GSE1: variants seen among roughly 807,000 people sequenced by gnomAD.
GSE1 encodes Gse1 coiled-coil protein.
A neutral mutation model predicts 112.6 loss-of-function variants in GSE1; 32 were observed. That is an observed-to-expected ratio of 0.28 (90% confidence interval 0.21 to 0.38). GSE1 has a LOEUF of 0.38. Ranked by LOEUF, GSE1 falls within the 10% of genes least tolerant of loss-of-function variation. The probability of loss-of-function intolerance (pLI) is 1.00; values close to 1 mark genes in which losing one functional copy is unlikely to be tolerated. For missense variants in GSE1, 2,348 were observed against 1,699.2 expected (o/e 1.38, Z -6.71); for synonymous variants, 1,115 against 735.6 (o/e 1.52, Z -8.35).
At chr16:85,519,552 CCATCACTAT>C (rs1343645272) in intron 2 of GSE1, among the ~76,000 whole-genome samples, 3 of 34,612 alleles carry the variant, frequency 8.7e-5, no homozygotes, top group South Asian at 1.5e-3. Context: ...ACTATTACCA[CCATCACTAT>C]CATCATCACC....
chr16:85,504,961 A>G (rs114776893), intron 2 of GSE1, among the ~76,000 whole-genome samples: 11 of 152,308 alleles, frequency 7.2e-5, no homozygotes, highest in African/African-American at 2.4e-4. Context: ...CGCTGCATCG[A>G]GAGTTCCTTC....
chr16:85,596,053 C>T (rs551387319), intron 1 of GSE1, among the ~76,000 whole-genome samples: 3 of 151,082 alleles, frequency 2.0e-5, no homozygotes, highest in East Asian at 1.9e-4. Flanking sequence ...CCCATTCCTC[C>T]GTCCACCCCT....
chr16:85,609,906 C>A (rs576271563), upstream of GSE1, among the ~76,000 whole-genome samples: 56 of 152,314 alleles, frequency 3.7e-4, 1 homozygote, highest in Admixed American at 3.3e-3. Flanking sequence ...ATATGCCTAT[C>A]TTGGCCCCCC....
chr16:85,658,744 C>G (rs990055549), intron 8 of GSE1, among the ~76,000 whole-genome samples: 13 of 152,228 alleles, frequency 8.5e-5, no homozygotes, highest in African/African-American at 2.9e-4. Context: ...GGACTGAGGG[C>G]AGCCAGCTCC....
At chr16:85,565,469 G>A (rs918483008) in intron 1 of GSE1, among the ~76,000 whole-genome samples, 3 of 151,414 alleles carry the variant, frequency 2.0e-5, no homozygotes, top group African/African-American at 4.9e-5. Flanking sequence ...TAGAGGGAGC[G>A]CAGGCCAGGC....
chr16:85,320,471 T>TTGTTTTGC (rs747733261), intron 1 of GSE1, among the ~76,000 whole-genome samples: 70 of 150,168 alleles, frequency 4.7e-4, no homozygotes, highest in African/African-American at 1.7e-3. Flanking sequence ...TTGTTTTGTT[T>TTGTTTTGC]TTTTGTAGAA....
At chr16:85,491,958 G>A (rs1391289528) in intron 2 of GSE1, among the ~76,000 whole-genome samples, 1 of 152,156 alleles carries the variant, frequency 6.6e-6, no homozygotes. Context: ...CCCGCCTGGT[G>A]CTCTGAGCAC....
chr16:85,461,784 C>T (rs972898680), intron 2 of GSE1, among the ~76,000 whole-genome samples: 1 of 152,150 alleles, frequency 6.6e-6, no homozygotes, highest in Non-Finnish European at 1.5e-5. Context: ...CACTAGATCT[C>T]CTGCAGCTCC....
chr16:85,325,696 C>T (rs1004085667), intron 1 of GSE1, among the ~76,000 whole-genome samples: 1 of 152,088 alleles, frequency 6.6e-6, no homozygotes, highest in South Asian at 2.1e-4. Context: ...GGGTGATCCA[C>T]CTGCCTTAGC....
chr16:85,315,470 G>A (rs1406523037), intron 1 of GSE1, among the ~76,000 whole-genome samples: 1 of 152,194 alleles, frequency 6.6e-6, no homozygotes, highest in African/African-American at 2.4e-5. Flanking sequence ...CCCGTGCTGA[G>A]TGCCTGGGAG....
At chr16:85,596,184 G>A (rs897262425) in intron 1 of GSE1, among the ~76,000 whole-genome samples, 1 of 152,074 alleles carries the variant, frequency 6.6e-6, no homozygotes, top group Non-Finnish European at 1.5e-5. Flanking sequence ...CCGCTGCATC[G>A]CAGCTCGAAG....
intron 1 of GSE1, among the ~76,000 whole-genome samples, chr16:85,218,584 A>ACCTCCCAAACTGCTTTCTGCCTCTAGG (rs1158359574): frequency 6.6e-6 from 1 of 152,034 alleles, no homozygotes; most frequent in East Asian, 1.9e-4. Context: ...TACCTGTGTG[A>ACCTCCCAAACTGCTTTCTGCCTCTAGG]CCTCCCAAAC....
intron 2 of GSE1, among the ~76,000 whole-genome samples, chr16:85,366,268 C>CG (rs1287018150): frequency 2.0e-5 from 3 of 152,228 alleles, no homozygotes; most frequent in Admixed American, 1.3e-4. Context: ...CCGGAGGGCA[C>CG]GGGGGGCTGG....
At chr16:85,474,612 C>T (rs981176436) in intron 2 of GSE1, among the ~76,000 whole-genome samples, 1 of 149,296 alleles carries the variant, frequency 6.7e-6, no homozygotes, top group Non-Finnish European at 1.5e-5. Flanking sequence ...CTCCCCCAGT[C>T]CCCCTTGCTC....
intron 1 of GSE1, among the ~76,000 whole-genome samples, chr16:85,211,205 A>AG (rs1162733683): frequency 6.6e-6 from 1 of 151,758 alleles, no homozygotes; most frequent in East Asian, 1.9e-4. Context: ...CCTCACTTCT[A>AG]GGGGGGTACC....
intron 1 of GSE1, among the ~76,000 whole-genome samples, chr16:85,596,095 T>C (rs1219261125): frequency 6.6e-6 from 1 of 151,654 alleles, no homozygotes; most frequent in African/African-American, 2.4e-5. Flanking sequence ...CATGCACTCA[T>C]CCACTGTCTA....
chr16:85,287,676 A>G (rs2045077994), intron 1 of GSE1, among the ~76,000 whole-genome samples: 1 of 151,810 alleles, frequency 6.6e-6, no homozygotes, highest in African/African-American at 2.4e-5. Flanking sequence ...CACCCTTTCT[A>G]AAACTCCAGC....
chr16:85,633,923 A>G lies in GSE1; in HGVS notation c.17A>G (p.His6Arg). 2.5e-6 allele frequency: 4 copies of G among 1,610,602 alleles called. No homozygotes were observed. Among genetic ancestry groups the G allele is most frequent in the Non-Finnish European group, 3.4e-6 (4 of 1,178,740 alleles). The change falls in exon 2 of 16, where the codon CAT (histidine) becomes CGT (arginine). Residue 6 changes from histidine (H) to arginine (R), a missense_variant. Physicochemically the swap from His to Arg is conservative, Grantham distance 29 (BLOSUM62 0). Coordinates refer to ENST00000253458, the MANE Select transcript of GSE1 (RefSeq NM_014615.5). Reference sequence around the variant, plus strand: ...TCTTTTCCTGTTTCAGGCATGAGCCATGAGCCCAAGTCCCCTTCGCTAGGG... The same window carrying G: ...TCTTTTCCTGTTTCAGGCATGAGCCGTGAGCCCAAGTCCCCTTCGCTAGGG... MKGMS[H>R]EPKSPSLGML...
At chr16:85,511,325 G>A (rs1365861180) in intron 2 of GSE1, among the ~76,000 whole-genome samples, 1 of 152,178 alleles carries the variant, frequency 6.6e-6, no homozygotes, top group Admixed American at 6.5e-5. Flanking sequence ...TCAGGAGTTC[G>A]AGACCAGCCC....
Sources: gnomAD v4.1 joint callset for allele counts (sites outside exome capture counted in the v4.1 genomes callset) on GRCh38, gnomAD v4.1.1 for gene constraint, MANE v1.5 for transcripts, NCBI Gene and HGNC (gene_info 2026-07-23, HGNC 2026-07-21) for gene names.